ATRX: variants seen among roughly 807,000 people sequenced by gnomAD.
ATRX encodes the protein ATRX chromatin remodeler.
ATRX carries 12 observed loss-of-function variants against 172.6 expected under a neutral mutation model. The observed-to-expected ratio is 0.07, with a 90% confidence interval of 0.04 to 0.11. The LOEUF (loss-of-function observed/expected upper bound fraction) is 0.11, where lower values mean the gene tolerates loss of function less well. Among genes scored for constraint, ATRX ranks in the 10% least tolerant of loss-of-function variants. ATRX has a pLI of 1.00. For synonymous variants in ATRX, 674 were observed against 594.7 expected (o/e 1.13, Z -1.94); for missense variants, 1,368 against 1,767.4 (o/e 0.77, Z 4.05).
Position 77,550,017 on chromosome X carries a change from G to A in ATRX, c.6699+7434C>T, listed in dbSNP as rs1422963948. Among the ~76,000 whole-genome samples the A allele has an allele frequency of 3.6e-5, 4 of 112,213 alleles. No homozygotes were observed. In the South Asian group the frequency reaches 1.1e-3, roughly 31 times the overall value. On this transcript the variant is annotated intron_variant, in intron 30 of 34. Transcript: ENST00000373344. ...AATAAAATAAAAATAATAAAGTAAT[G>A]AGTAGAGTGGTGAATGAAGCTAAGA...
chrX:77,626,531 T>C (rs1240682566), intron 19 of ATRX, among the ~76,000 whole-genome samples: 2 of 111,952 alleles, frequency 1.8e-5, no homozygotes, highest in Non-Finnish European at 3.8e-5. Context: ...TGTTGCAGAA[T>C]AGTTATCCAT....
chrX:77,766,670 G>A (rs782743983), intron 1 of ATRX, among the ~76,000 whole-genome samples: 181 of 106,514 alleles, frequency 1.7e-3, no homozygotes, highest in South Asian at 6.0e-3. Flanking sequence ...GATGGCGGCC[G>A]GGAAAAGGCG....
chrX:77,681,578 A>C lies in ATRX; in HGVS notation c.3678T>G (p.Ile1226Met). Residue 1226 changes from isoleucine (I) to methionine (M), a missense_variant, in exon 9 of 35, where the codon ATT becomes ATG. Transcript: ENST00000373344. ...IGEGSSDEQKIKPVTENLVLS... is the reference protein window; with the variant it reads ...IGEGSSDEQKMKPVTENLVLS... ...GCACTAAATTTTCAGTCACAGGCTT[A>C]ATTTTCTGTTCATCGCTGCTTCCCT... is the stretch of plus-strand genomic sequence containing the variant. The C allele has an allele frequency of 8.3e-7, 1 of 1,209,792 alleles. No individual in the cohort carries two copies.
chrX:77,768,009 A>G (rs781807511), intron 1 of ATRX, among the ~76,000 whole-genome samples: 57 of 111,959 alleles, frequency 5.1e-4, no homozygotes, highest in Non-Finnish European at 9.6e-4. Context: ...AAAGGAAAAC[A>G]CTGAGGCTCA....
chrX:77,631,055 G>A (rs1166484913), intron 19 of ATRX, among the ~76,000 whole-genome samples: 1 of 110,085 alleles, frequency 9.1e-6, no homozygotes, highest in Non-Finnish European at 1.9e-5. Context: ...TGATTCTGGG[G>A]CCAGGACAAT....
intron 27 of ATRX, among the ~76,000 whole-genome samples, chrX:77,586,720 A>G (rs1420411108): frequency 1.8e-5 from 2 of 111,839 alleles, no homozygotes; most frequent in African/African-American, 6.5e-5. Flanking sequence ...CTTAAGCAAA[A>G]AAGTTTAAAA....
At position 77,508,717 on chromosome X, in the gene ATRX, G is replaced by A. The variant is rs995268227; in HGVS notation, c.7201-88C>T. ...TTGACTTAAAATCAATTTGTTAAGG[G>A]GGTACCATACCAAAAGGAAAACACA... On this transcript the variant is annotated intron_variant, in intron 34 of 34. Coordinates refer to ENST00000373344, the MANE Select transcript of ATRX (RefSeq NM_000489.6). The A allele has an allele frequency of 2.5e-5, 25 of 1,014,180 alleles. 1 individual carries two copies. In the South Asian group the frequency reaches 4.6e-4, roughly 19 times the overall value. 83.6% of individuals were successfully genotyped at this position (1,014,180 alleles called of 1,213,427 possible). A position where few individuals can be genotyped will look rare whatever the true frequency, so the allele number is the denominator to read the frequency against.
chrX:77,538,620 A>C (rs1049194804), intron 30 of ATRX, among the ~76,000 whole-genome samples: 8 of 111,796 alleles, frequency 7.2e-5, no homozygotes, highest in African/African-American at 2.6e-4. Context: ...TAAATCTATA[A>C]AAATAAAGAA....
intron 7 of ATRX, among the ~76,000 whole-genome samples, chrX:77,685,574 T>C (rs1286196727): frequency 8.9e-6 from 1 of 112,093 alleles, no homozygotes; most frequent in African/African-American, 3.2e-5. Context: ...AAGGGAACCC[T>C]TGTATACTGT....
chrX:77,680,108 T>C (rs2071104556), intron 9 of ATRX, among the ~76,000 whole-genome samples: 1 of 112,290 alleles, frequency 8.9e-6, no homozygotes. Context: ...AGAAATACTA[T>C]GTGTTTGATT....
chrX:77,551,368 G>A (rs183127164), intron 30 of ATRX, among the ~76,000 whole-genome samples: 157 of 111,824 alleles, frequency 1.4e-3, no homozygotes, highest in African/African-American at 4.7e-3. Flanking sequence ...AATGGGGAAA[G>A]GATTCCCTGT....
chrX:77,573,153 T>G (rs931314449), intron 28 of ATRX, among the ~76,000 whole-genome samples: 6 of 112,114 alleles, frequency 5.4e-5, no homozygotes, highest in African/African-American at 1.6e-4. Context: ...ACAGACAGCA[T>G]GTACAAAGGC....
At chrX:77,744,463 T>C (rs1385101358) in intron 1 of ATRX, among the ~76,000 whole-genome samples, 1 of 111,512 alleles carries the variant, frequency 9.0e-6, no homozygotes, top group Non-Finnish European at 1.9e-5. Context: ...CAGAAATCAA[T>C]GAAAAGACAA....
chrX:77,651,084 G>A (rs1471677747), intron 15 of ATRX, among the ~76,000 whole-genome samples: 11 of 108,813 alleles, frequency 1.0e-4, no homozygotes, highest in African/African-American at 3.3e-4. Context: ...AGGCATGGTG[G>A]CGTGCACCTG....
chrX:77,584,119 A>C (rs781970785), intron 27 of ATRX, among the ~76,000 whole-genome samples: 3 of 111,976 alleles, frequency 2.7e-5, no homozygotes, highest in Non-Finnish European at 3.8e-5. Context: ...TAACCAAAGA[A>C]GTGAAAGATC....
chrX:77,606,689 G>A (rs782572542), intron 22 of ATRX, among the ~76,000 whole-genome samples: 12 of 97,462 alleles, frequency 1.2e-4, no homozygotes, highest in Non-Finnish European at 1.2e-4. Context: ...TCGGGAGGCC[G>A]AAGAAGGAGG....
Position 77,682,244 on chromosome X carries a change from T to G in ATRX, c.3012A>C (p.Lys1004Asn), listed in dbSNP as rs782628658. 5.8e-6 allele frequency: 7 copies of G among 1,204,662 alleles called. No homozygotes were observed. The highest frequency in any genetic ancestry group is 7.8e-6 in the Non-Finnish European group (7 of 893,429). The change falls in exon 9 of 35, where the codon AAA becomes AAC. Residue 1004 changes from lysine to asparagine, a missense_variant. By Grantham distance (94) the Lys-to-Asn change is moderately conservative (BLOSUM62 0). Coordinates refer to ENST00000373344, the MANE Select transcript of ATRX (RefSeq NM_000489.6). ...KPSDFKKKVI[K>N]MEQQYESSSD... ...ATGAAGATTCATACTGTTGTTCCATTTTAATTACTTTTTTCTTAAAGTCTG... is the reference window on the plus strand; with the variant it reads ...ATGAAGATTCATACTGTTGTTCCATGTTAATTACTTTTTTCTTAAAGTCTG...
intron 30 of ATRX, among the ~76,000 whole-genome samples, chrX:77,556,048 C>T (rs1238041146): frequency 1.9e-5 from 2 of 105,011 alleles, no homozygotes; most frequent in African/African-American, 3.5e-5. Flanking sequence ...TGGTGGCAGG[C>T]GCCTATAGTC....
At chrX:77,720,355 C>T (rs1474270927) in intron 1 of ATRX, among the ~76,000 whole-genome samples, 3 of 111,611 alleles carry the variant, frequency 2.7e-5, no homozygotes, top group Non-Finnish European at 5.6e-5. Flanking sequence ...GAGATAGAGA[C>T]AGGAAAAACC....
Sources: gnomAD v4.1 joint callset for allele counts (sites outside exome capture counted in the v4.1 genomes callset) on GRCh38, gnomAD v4.1.1 for gene constraint, MANE v1.5 for transcripts, NCBI Gene and HGNC (gene_info 2026-07-23, HGNC 2026-07-21) for gene names.